Variants in SEC24C observed in about 807,000 individuals in gnomAD.
SEC24C encodes SEC24 homolog C, COPII component, also known as protein transport protein Sec24C.
SEC24C carries 22 observed loss-of-function variants against 117.0 expected under a neutral mutation model. The observed-to-expected ratio is 0.19, with a 90% CI of 0.13 to 0.27. The LOEUF (loss-of-function observed/expected upper bound fraction) is 0.27. Ranked by LOEUF, SEC24C falls within the 10% of genes least tolerant of loss-of-function variation. The pLI is 1.00. For missense variants in SEC24C, 1,155 were observed against 1,375.1 expected, an observed-to-expected ratio of 0.84 and a Z score of 2.53; for synonymous variants, 506 against 529.4, an observed-to-expected ratio of 0.96 and a Z score of 0.61.
intron 3 of SEC24C, among the ~76,000 whole-genome samples, chr10:73,756,735 G>C (rs1221570975): frequency 6.6e-6 from 1 of 151,654 alleles, no homozygotes; most frequent in Non-Finnish European, 1.5e-5. Flanking sequence ...CAAGTAGCTG[G>C]GATTCCAGGC....
At chr10:73,755,079 G>A (rs2082691118) in intron 3 of SEC24C, among the ~76,000 whole-genome samples, 1 of 152,048 alleles carries the variant, frequency 6.6e-6, no homozygotes, top group Non-Finnish European at 1.5e-5. Context: ...GTTGCAGTGA[G>A]CCGAAATCGC....
chr10:73,769,026 C>T lies in SEC24C; in HGVS notation c.2298C>T (p.Phe766=), dbSNP rs1390489156. 6.2e-7 allele frequency: 1 copy of T among 1,614,220 alleles called. No individual in the cohort carries two copies. Among genetic ancestry groups the T allele is most frequent in the Admixed American group, 1.7e-5 (1 of 60,020 alleles). ...RTSTGIRAVD[F]FGAFYMSNTT... is the part of the protein sequence containing the mutation. ...CCTCAGGTATCCGTGCTGTAGATTT[C>T]TTTGGAGCTTTCTACATGAGCAACA... The change falls in exon 17 of 23, where the codon TTC becomes TTT. Residue 766 remains phenylalanine, a synonymous_variant. Transcript: ENST00000345254. The surrounding 1 kb of genome is among the most constrained non-coding windows in gnomAD (Gnocchi z 4.5).
chr10:73,760,197 C>T lies in SEC24C; in HGVS notation c.661C>T (p.Pro221Ser). 1 of 1,614,170 alleles carries T rather than the reference C, an allele frequency of 6.2e-7. No individual in the cohort carries two copies. The highest frequency in any genetic ancestry group is 8.5e-7 in the Non-Finnish European group (1 of 1,180,028). The change falls in exon 5 of 23, where the codon CCT (proline) becomes TCT (serine). Residue 221 changes from proline (P) to serine (S), a missense_variant. By Grantham distance (74) the Pro-to-Ser change is moderately conservative. Around this residue, in one of 2 missense-constraint regions of SEC24C, gnomAD observed 396 missense variants for 382.8 expected, o/e 1.03. Coordinates refer to ENST00000345254, the MANE Select transcript of SEC24C (RefSeq NM_198597.3). ...CTTCACACCCCCAGCTTCAGGGGGT[C>T]CTCGGCTGCCTTCGATGACTGGTCC... is the stretch of plus-strand genomic sequence containing the variant. Reference protein sequence around the residue: ...SSFTPPASGGPRLPSMTGPLL... With the variant: ...SSFTPPASGGSRLPSMTGPLL...
chr10:73,760,171 G>A lies in SEC24C; in HGVS notation c.635G>A (p.Ser212Asn). The change falls in exon 5 of 23, where the codon AGC (serine) becomes AAC (asparagine). Residue 212 changes from serine (S) to asparagine (N), a missense_variant. Ser to Asn is a conservative substitution (Grantham distance 46, BLOSUM62 1). Coordinates refer to ENST00000345254, the MANE Select transcript of SEC24C (RefSeq NM_198597.3). ...PQRSAPSQAS[S>N]FTPPASGGPR... is the part of the protein sequence containing the mutation. ...CGATCTGCCCCATCACAGGCCTCCA[G>A]CTTCACACCCCCAGCTTCAGGGGGT... 1.2e-6 allele frequency: 2 copies of A among 1,614,158 alleles called. No individual in the cohort carries two copies. Among genetic ancestry groups the A allele is most frequent in the Non-Finnish European group, 1.7e-6 (2 of 1,180,008 alleles).
Position 73,766,750 on chromosome 10 carries a change from A to G in SEC24C, c.1800-10A>G, listed in dbSNP as rs1435536664. 1.2e-6 allele frequency: 2 copies of G among 1,612,832 alleles called. No individual in the cohort carries two copies. The highest frequency in any genetic ancestry group is 1.7e-6 in the Non-Finnish European group (2 of 1,178,890). On this transcript the variant is annotated splice_polypyrimidine_tract_variant and intron_variant, in intron 12 of 22. Coordinates refer to ENST00000345254, the MANE Select transcript of SEC24C (RefSeq NM_198597.3). ...CAATTTTGGTTGTTTTCCGTCACCTATCTCTTTAGCTTATTGGATCAGATT... is the reference window on the plus strand; with the variant it reads ...CAATTTTGGTTGTTTTCCGTCACCTGTCTCTTTAGCTTATTGGATCAGATT...
rs539694098 is a variant in SEC24C, at chr10:73,760,140, C to G, written c.604C>G (p.Pro202Ala). 2 of 1,614,148 alleles carry G rather than the reference C, an allele frequency of 1.2e-6. No homozygotes were observed. Among genetic ancestry groups the G allele is most frequent in the African/African-American group, 2.7e-5 (2 of 75,036 alleles). The change falls in exon 5 of 23, where the codon CCC becomes GCC. Residue 202 changes from proline to alanine, a missense_variant. This residue lies in a region of SEC24C where 396 missense variants were observed against 382.8 expected (regional missense o/e 1.03). Coordinates refer to ENST00000345254, the MANE Select transcript of SEC24C (RefSeq NM_198597.3). ...QAQGHPGIQT[P>A]QRSAPSQASS... ...CCAAGGTCATCCTGGGATCCAGACT[C>G]CCCAGCGATCTGCCCCATCACAGGC...
rs752805666 is a variant in SEC24C, at chr10:73,768,768, A to G, written c.2182-42A>G. 5.7e-6 allele frequency: 9 copies of G among 1,590,864 alleles called. No individual in the cohort carries two copies. In the Admixed American group the frequency reaches 8.3e-5, roughly 15 times the overall value. The stretch of plus-strand genomic sequence containing the variant: ...AGGGAGATTGTCTGCACGATGAGCT[A>G]TGTCTAGTCAGTGACATGACTCTGG... On this transcript the variant is annotated intron_variant, in intron 15 of 22. Transcript: ENST00000345254.
intron 12 of SEC24C, 55 bp downstream of exon 12, chr10:73,766,596 A>G (rs1332041522): frequency 4.5e-6 from 7 of 1,549,328 alleles, no homozygotes; most frequent in African/African-American, 2.7e-5. Flanking sequence ...ACCACCATAG[A>G]AGGTCATGGA....
At chr10:73,753,739 C>T (rs1468533821) in intron 3 of SEC24C, among the ~76,000 whole-genome samples, 3 of 152,190 alleles carry the variant, frequency 2.0e-5, no homozygotes. Context: ...AGGAAAAACA[C>T]TTGGTGTGTC....
Position 73,746,877 on chromosome 10 carries a change from G to A in SEC24C, c.45G>A (p.Gln15=), listed in dbSNP as rs779760956. ...TTCCACCTGTGCCACCATTTGGGCA[G>A]CCCCAGCCCATCTACCCAGGGTATC... ...QSVPPVPPFG[Q]PQPIYPGYHQ... is the part of the protein sequence containing the mutation. The change falls in exon 2 of 23, where the codon CAG becomes CAA. Residue 15 remains glutamine (Q), a synonymous_variant. Transcript: ENST00000345254. 75 of 1,613,276 alleles carry A rather than the reference G, an allele frequency of 4.6e-5. 1 individual carries two copies. The African/African-American group carries it at 7.9e-4, about 17-fold the overall frequency.
In SEC24C at chr10:73,766,321, A is replaced by G. The variant is rs549849293; in HGVS notation, c.1608-29A>G. ...GTTGTGGGTGGTGGAAAAGGTGGCAAGTCTAGGTAACAATGTCACCTTCTA... is the reference window on the plus strand; with the variant it reads ...GTTGTGGGTGGTGGAAAAGGTGGCAGGTCTAGGTAACAATGTCACCTTCTA... On this transcript the variant is annotated intron_variant, in intron 11 of 22. Transcript: ENST00000345254. 8.2e-6 allele frequency: 13 copies of G among 1,583,228 alleles called. No homozygotes were observed. In the African/African-American group the frequency reaches 1.8e-4, roughly 21 times the overall value.
intron 2 of SEC24C, among the ~76,000 whole-genome samples, 156 bp downstream of exon 2, chr10:73,747,160 G>A (rs978563432): frequency 5.9e-5 from 9 of 152,218 alleles, no homozygotes; most frequent in Admixed American, 2.0e-4. Context: ...CCCCGTGGGC[G>A]CCCTTCCCTT....
In SEC24C at chr10:73,760,035, G is replaced by C. The variant is rs754567587; in HGVS notation, c.499G>C (p.Ala167Pro). The change falls in exon 5 of 23, where the codon GCT becomes CCT. Residue 167 changes from alanine to proline, a missense_variant. By Grantham distance (27) the Ala-to-Pro change is conservative (BLOSUM62 -1). This residue lies in a region of SEC24C where 396 missense variants were observed against 382.8 expected (regional missense o/e 1.03). Coordinates refer to ENST00000345254, the MANE Select transcript of SEC24C (RefSeq NM_198597.3). ...GLGFGPPTSL[A>P]SASGSFPNSG... ...CTTCTCAGGCCCACCAACATCGCTG[G>C]CTTCAGCCTCAGGAAGTTTCCCTAA... The C allele has an allele frequency of 6.3e-7, 1 of 1,584,616 alleles. No homozygotes were observed. The highest frequency in any genetic ancestry group is 8.6e-7 in the Non-Finnish European group (1 of 1,161,720).
In SEC24C at chr10:73,760,756, C is replaced by A. The variant is rs781687945; in HGVS notation, c.894C>A (p.Gly298=). 6.2e-7 allele frequency: 1 copy of A among 1,613,920 alleles called. No homozygotes were observed. The highest frequency in any genetic ancestry group is 8.5e-7 in the Non-Finnish European group (1 of 1,179,892). ...GGGGCCCTCAGTCTAATTATGGAGG[C>A]CCCTACCCAGCAGCACCCACCTTTG... is the stretch of plus-strand genomic sequence containing the variant. The part of the protein sequence containing the change: ...PARGPQSNYG[G]PYPAAPTFGS... The change falls in exon 6 of 23, where the codon GGC becomes GGA. Residue 298 remains glycine, a synonymous_variant. Transcript: ENST00000345254.
chr10:73,754,045 C>T (rs2082678071), intron 3 of SEC24C, among the ~76,000 whole-genome samples: 1 of 152,018 alleles, frequency 6.6e-6, no homozygotes, highest in South Asian at 2.1e-4. Flanking sequence ...CAGTATAGCC[C>T]AGGGAAGCCA....
intron 9 of SEC24C, 27 bp downstream of exon 9, chr10:73,765,616 G>A (rs896771260): frequency 3.1e-6 from 5 of 1,608,576 alleles, no homozygotes; most frequent in Non-Finnish European, 4.3e-6. Flanking sequence ...TGGGATTTGG[G>A]GGAAGGTCTT....
At position 73,766,975 on chromosome 10, in the gene SEC24C, C is replaced by T. The variant is rs1055057769; in HGVS notation, c.1894-79C>T. The T allele has an allele frequency of 9.4e-6, 13 of 1,390,126 alleles. No individual in the cohort carries two copies. The African/African-American group carries it at 1.7e-4, about 18-fold the overall frequency. 86.1% of individuals were successfully genotyped at this position (1,390,126 alleles called of 1,614,324 possible). On this transcript the variant is annotated intron_variant, in intron 13 of 22. Coordinates refer to ENST00000345254, the MANE Select transcript of SEC24C (RefSeq NM_198597.3). ...CTGTCCAGTGTGTTAGACTGTCTGACATAGCTGGTGCTTAATAAATGACAA... is the reference window on the plus strand; with the variant it reads ...CTGTCCAGTGTGTTAGACTGTCTGATATAGCTGGTGCTTAATAAATGACAA...
intron 2 of SEC24C, among the ~76,000 whole-genome samples, chr10:73,748,090 C>T (rs182549791): frequency 2.0e-5 from 3 of 152,136 alleles, no homozygotes; most frequent in African/African-American, 7.2e-5. Flanking sequence ...CCACCACGCC[C>T]GGCCCCTTCC....
intron 3 of SEC24C, among the ~76,000 whole-genome samples, chr10:73,756,991 A>G (rs191007373): frequency 1.5e-5 from 2 of 130,916 alleles, no homozygotes; most frequent in African/African-American, 2.9e-5. Flanking sequence ...GCTCACTGCA[A>G]CCTCCACCTC....
Sources: gnomAD v4.1 joint callset for allele counts (sites outside exome capture counted in the v4.1 genomes callset) on GRCh38, gnomAD v4.1.1 for gene constraint, gnomAD v4.1.1 regional missense constraint, Gnocchi (gnomAD v3.1) non-coding constraint, MANE v1.5 for transcripts, NCBI Gene and HGNC (gene_info 2026-07-23, HGNC 2026-07-21) for gene names.